The following HP1BP3 variants were observed in gnomAD, a reference collection of about 807,000 sequenced individuals.
HP1BP3 encodes the protein heterochromatin protein 1 binding protein 3.
In HP1BP3, 12 loss-of-function variants were observed where a neutral mutation model predicts 62.5. The observed-to-expected ratio is 0.19, with a 90% CI of 0.12 to 0.31. The LOEUF (loss-of-function observed/expected upper bound fraction) is 0.31, where lower values mean the gene tolerates loss of function less well. Ranked by LOEUF, HP1BP3 falls within the 10% of genes least tolerant of loss-of-function variation. The pLI is 1.00. For synonymous variants in HP1BP3, 260 were observed against 237.8 expected, an observed-to-expected ratio of 1.09 and a Z score of -0.86; for missense variants, 502 against 651.8, an observed-to-expected ratio of 0.77 and a Z score of 2.50.
chr1:20,773,427 G>A (rs1298999444), intron 5 of HP1BP3, 24 bp downstream of exon 5: 1 of 1,577,284 alleles, frequency 6.3e-7, no homozygotes, highest in South Asian at 1.2e-5. Context: ...AATCTAAGAT[G>A]AATTGCTTGA....
At chr1:20,762,526 T>A (rs2056545615) in intron 8 of HP1BP3, among the ~76,000 whole-genome samples, 1 of 152,148 alleles carries the variant, frequency 6.6e-6, no homozygotes, top group African/African-American at 2.4e-5. Flanking sequence ...AATCCCCTAA[T>A]CACAAGGAAA....
chr1:20,750,840 CAG>C (rs1173213773), intron 9 of HP1BP3, among the ~76,000 whole-genome samples: 1 of 114,418 alleles, frequency 8.7e-6, no homozygotes, highest in South Asian at 2.9e-4. Context: ...TTTTTTGAGA[CAG>C]AGTCTCGCTC....
rs376063096 is a variant in HP1BP3, at chr1:20,771,005, A to G, written c.579T>C (p.Ser193=). The change falls in exon 6 of 13, where the codon TCT becomes TCC. Residue 193 remains serine (S), a synonymous_variant. Coordinates refer to ENST00000438032, the MANE Select transcript of HP1BP3 (RefSeq NM_001372052.1). ...IRKYIIHKYP[S]LELERRGYLL... Reference sequence around the variant, plus strand: ...GATAACCCCTTCTCTCCAGCTCCAGAGAAGGATACTTATGGATGATGTATT... The same window carrying G: ...GATAACCCCTTCTCTCCAGCTCCAGGGAAGGATACTTATGGATGATGTATT... 13 of 1,611,744 alleles carry G rather than the reference A, an allele frequency of 8.1e-6. No homozygotes were observed. The highest frequency in any genetic ancestry group is 1.1e-5 in the Non-Finnish European group (13 of 1,178,732).
chr1:20,766,065 G>A (rs531559951), intron 7 of HP1BP3, among the ~76,000 whole-genome samples: 96 of 152,288 alleles, frequency 6.3e-4, no homozygotes, highest in African/African-American at 2.2e-3. Flanking sequence ...GCTGAGGTGG[G>A]CTGATAACCT....
chr1:20,775,902 C>T, intron 4 of HP1BP3: 1 of 1,442,544 alleles, frequency 6.9e-7, no homozygotes, highest in Non-Finnish European at 9.2e-7. Flanking sequence ...ATGTATCTCT[C>T]AGAATGTATA....
chr1:20,761,160 T>G (rs1451189967), intron 8 of HP1BP3, among the ~76,000 whole-genome samples: 1 of 152,136 alleles, frequency 6.6e-6, no homozygotes, highest in Non-Finnish European at 1.5e-5. Context: ...TTCTCTTGCC[T>G]TGGCCTCTTG....
At position 20,779,795 on chromosome 1, in the gene HP1BP3, T is replaced by A. The variant is rs777518537; in HGVS notation, c.196+17A>T. 1 of 1,562,116 alleles carries A rather than the reference T, an allele frequency of 6.4e-7. No individual in the cohort carries two copies. Among genetic ancestry groups the A allele is most frequent in the South Asian group, 1.1e-5 (1 of 88,524 alleles). On this transcript the variant is annotated intron_variant, in intron 3 of 12. Coordinates refer to ENST00000438032, the MANE Select transcript of HP1BP3 (RefSeq NM_001372052.1). ...ATAACTTTTGATGTTTTAAGCTGTG[T>A]CACCATTTTACTTTACCTGGCTTTT...
intron 8 of HP1BP3, among the ~76,000 whole-genome samples, chr1:20,764,999 G>A (rs1289085099): frequency 6.6e-6 from 1 of 151,288 alleles, no homozygotes; most frequent in Non-Finnish European, 1.5e-5. Context: ...TGAAACCTTG[G>A]CTCTACTAAA....
At chr1:20,767,798 A>G (rs1031161035) in intron 6 of HP1BP3, 134 bp from the exon 7 acceptor site, 24 of 611,994 alleles carry the variant, frequency 3.9e-5, no homozygotes, top group Admixed American at 1.6e-4. Context: ...AAAACAGTCA[A>G]TGCAGAGTCA....
At chr1:20,776,448 T>C in intron 4 of HP1BP3, 149 bp downstream of exon 4, 1 of 689,024 alleles carries the variant, frequency 1.5e-6, no homozygotes, top group South Asian at 2.0e-5. Context: ...AACTATATAA[T>C]AAACCTATTT....
chr1:20,755,624 G>A (rs902947885), intron 9 of HP1BP3, among the ~76,000 whole-genome samples: 1 of 151,962 alleles, frequency 6.6e-6, no homozygotes. Flanking sequence ...CAGTTTCTTA[G>A]AACATAAATT....
intron 8 of HP1BP3, among the ~76,000 whole-genome samples, chr1:20,764,616 ATATC>A (rs549305202): frequency 2.8e-4 from 42 of 151,160 alleles, no homozygotes; most frequent in Admixed American, 1.7e-3. Flanking sequence ...TCAATACTAC[ATATC>A]TTAACAGCTG....
chr1:20,750,816 C>T (rs375208719), intron 9 of HP1BP3, among the ~76,000 whole-genome samples: 54 of 116,528 alleles, frequency 4.6e-4, no homozygotes, highest in South Asian at 3.1e-3. Context: ...TATTTTCTCT[C>T]TTTTTTTTTT....
intron 11 of HP1BP3, 118 bp from the exon 12 acceptor site, chr1:20,745,774 C>T (rs368423321): frequency 2.0e-6 from 2 of 1,014,658 alleles, no homozygotes; most frequent in South Asian, 3.3e-5. Flanking sequence ...CCAAAAATGT[C>T]AAGCTAGGTT....
At chr1:20,748,655 G>A (rs112246416) in intron 10 of HP1BP3, among the ~76,000 whole-genome samples, 4 of 152,098 alleles carry the variant, frequency 2.6e-5, no homozygotes, top group African/African-American at 9.7e-5. Context: ...AGCTACTCAG[G>A]GGGTGGAGGT....
chr1:20,764,533 T>C (rs1472384827), intron 8 of HP1BP3, among the ~76,000 whole-genome samples: 1 of 151,698 alleles, frequency 6.6e-6, no homozygotes, highest in East Asian at 1.9e-4. Flanking sequence ...TTTTTTTTCT[T>C]TTAAACCTGG....
intron 9 of HP1BP3, 31 bp downstream of exon 9, chr1:20,757,135 C>T: frequency 1.4e-6 from 2 of 1,477,444 alleles, no homozygotes; most frequent in Non-Finnish European, 1.9e-6. Flanking sequence ...TTAAGAAGCA[C>T]TTCTCCACAA....
intron 1 of HP1BP3, among the ~76,000 whole-genome samples, chr1:20,782,672 C>T (rs960632142): frequency 6.6e-6 from 1 of 151,436 alleles, no homozygotes; most frequent in African/African-American, 2.4e-5. Context: ...GAGGCCGAGG[C>T]GGATAGATCA....
At chr1:20,773,669 CAGA>C in intron 4 of HP1BP3, 59 bp from the exon 5 acceptor site, 4 of 1,209,792 alleles carry the variant, frequency 3.3e-6, no homozygotes, top group Non-Finnish European at 4.4e-6. Context: ...CGTATAAAGT[CAGA>C]AGGAGGAAAA....
Sources: allele counts gnomAD v4.1 joint callset (sites outside exome capture counted in the v4.1 genomes callset), GRCh38; gene constraint gnomAD v4.1.1; transcripts MANE v1.5; gene names NCBI Gene and HGNC (gene_info 2026-07-23, HGNC 2026-07-21).